SORCS3: variants seen among roughly 807,000 people sequenced by gnomAD.
SORCS3 encodes sortilin related VPS10 domain containing receptor 3, also known as VPS10 domain-containing receptor SorCS3.
In SORCS3, 57 loss-of-function variants were observed where a neutral mutation model predicts 146.3. The observed-to-expected ratio is 0.39, with a 90% CI of 0.31 to 0.49. The LOEUF (loss-of-function observed/expected upper bound fraction) is 0.49. Ranked by LOEUF, SORCS3 falls within the 20% of genes least tolerant of loss-of-function variation. The probability of loss-of-function intolerance (pLI) is 0.92; values close to 1 mark genes in which losing one functional copy is unlikely to be tolerated. For missense variants in SORCS3, 1,341 were observed against 1,575.5 expected (o/e 0.85, Z 2.52); for synonymous variants, 653 against 618.5 (o/e 1.06, Z -0.83).
chr10:104,656,835 A>G (rs1036646350), intron 1 of SORCS3, among the ~76,000 whole-genome samples: 3 of 152,202 alleles, frequency 2.0e-5, no homozygotes, highest in Non-Finnish European at 4.4e-5. Context: ...GGAGAGGTTG[A>G]TGGCTTGGAT....
chr10:105,214,316 C>A (rs182438830), intron 17 of SORCS3, 126 bp from the exon 18 acceptor site: 4 of 981,098 alleles, frequency 4.1e-6, no homozygotes, highest in Non-Finnish European at 6.2e-6. Flanking sequence ...TTCCAGGGGC[C>A]GCTGTGTGAA....
intron 5 of SORCS3, among the ~76,000 whole-genome samples, chr10:105,080,522 G>T (rs769328251): frequency 6.6e-6 from 1 of 151,942 alleles, no homozygotes; most frequent in Middle Eastern, 3.2e-3. Context: ...ATTTTTTGCT[G>T]TGCAGAAGCT....
Position 105,211,272 on chromosome 10 carries a change from A to G in SORCS3, c.2375+22A>G, listed in dbSNP as rs74157463. The stretch of plus-strand genomic sequence containing the variant: ...CTGGGTAAGTAAAACACCTACAGGA[A>G]CTCAGCTCCCTGTTTTCCTGTTTCT... On this transcript the variant is annotated intron_variant, in intron 17 of 26. Coordinates refer to ENST00000369701, the MANE Select transcript of SORCS3 (RefSeq NM_014978.3). The G allele has an allele frequency of 4.4e-3, 6,740 of 1,525,760 alleles. 159 individuals carry two copies. The highest frequency in any genetic ancestry group is 0.041 in the South Asian group (3,617 of 89,016). 94.5% of individuals were successfully genotyped at this position (1,525,760 alleles called of 1,614,324 possible).
At position 104,844,713 on chromosome 10, in the gene SORCS3, A is replaced by C. The variant is rs543806903; in HGVS notation, c.695+1854A>C. Among the ~76,000 whole-genome samples the C allele has an allele frequency of 5.3e-5, 8 of 152,248 alleles. 1 individual carries two copies. The highest frequency in any genetic ancestry group is 1.9e-4 in the African/African-American group (8 of 41,566). ...CAATTACTACAAACTGAGTGGCTTA[A>C]AGCAACAGAAATGTCTTCTCTCACA... On this transcript the variant is annotated intron_variant, in intron 2 of 26. Transcript: ENST00000369701.
chr10:105,186,884 CAAAAAAAAAA>C (rs35043705), intron 14 of SORCS3, among the ~76,000 whole-genome samples: 1 of 101,486 alleles, frequency 9.9e-6, no homozygotes, highest in East Asian at 3.5e-4. Context: ...GACTCCATCT[CAAAAAAAAAA>C]AAAAAAAAAA....
chr10:105,258,424 C>A (rs2056942922), intron 25 of SORCS3, among the ~76,000 whole-genome samples: 1 of 152,150 alleles, frequency 6.6e-6, no homozygotes, highest in African/African-American at 2.4e-5. Context: ...TTCACTCAGC[C>A]AAGAATTTGA....
In SORCS3 at chr10:104,999,995, TATGGTG is replaced by T. The variant is rs967871523; in HGVS notation, c.954+22503_954+22508del. ...TTTTTTTCAATAATGAACAATTCAG[TATGGTG>T]GTAGCATAAAGTACAGTCTTCCTAA... On this transcript the variant is annotated intron_variant, in intron 4 of 26. Coordinates refer to ENST00000369701, the MANE Select transcript of SORCS3 (RefSeq NM_014978.3). 5.9e-5 allele frequency among the ~76,000 whole-genome samples: 9 copies of T among 152,046 alleles called. No homozygotes were observed. The East Asian group carries it at 7.7e-4, about 13-fold the overall frequency.
intron 4 of SORCS3, among the ~76,000 whole-genome samples, chr10:105,012,339 G>A (rs980303937): frequency 5.3e-5 from 8 of 152,182 alleles, no homozygotes; most frequent in Non-Finnish European, 1.0e-4. Flanking sequence ...CATGTTCAAA[G>A]TGAAGGAAAA....
intron 4 of SORCS3, among the ~76,000 whole-genome samples, chr10:105,008,401 A>G (rs1459239188): frequency 6.6e-6 from 1 of 152,182 alleles, no homozygotes; most frequent in Non-Finnish European, 1.5e-5. Context: ...CCAAGGAAAT[A>G]TATTCAAACC....
At chr10:105,148,487 C>T (rs1435846942) in intron 9 of SORCS3, among the ~76,000 whole-genome samples, 3 of 152,092 alleles carry the variant, frequency 2.0e-5, no homozygotes, top group Admixed American at 2.0e-4. Context: ...TTTATAGTGA[C>T]AGTATGTGAC....
intron 5 of SORCS3, among the ~76,000 whole-genome samples, chr10:105,081,815 C>T (rs1245821141): frequency 2.6e-5 from 4 of 152,066 alleles, no homozygotes; most frequent in African/African-American, 9.7e-5. Flanking sequence ...TCAGATGATT[C>T]TTATGCTATT....
At chr10:104,717,956 C>T (rs2016498797) in intron 1 of SORCS3, among the ~76,000 whole-genome samples, 1 of 151,848 alleles carries the variant, frequency 6.6e-6, no homozygotes, top group Non-Finnish European at 1.5e-5. Flanking sequence ...ACCTGTCCAA[C>T]ATGGTGAAAC....
At chr10:105,119,634 C>T (rs747909156) in intron 7 of SORCS3, among the ~76,000 whole-genome samples, 1 of 152,198 alleles carries the variant, frequency 6.6e-6, no homozygotes, top group Non-Finnish European at 1.5e-5. Context: ...CCTGCATCAA[C>T]ATGATCTGCA....
intron 2 of SORCS3, among the ~76,000 whole-genome samples, chr10:104,843,867 C>T (rs769716232): frequency 1.3e-5 from 2 of 152,160 alleles, no homozygotes; most frequent in African/African-American, 2.4e-5. Context: ...TCCCATTTAC[C>T]TTGTGATGTG....
At chr10:105,159,072 A>T (rs976747102) in intron 11 of SORCS3, 78 bp downstream of exon 11, 1 of 1,031,086 alleles carries the variant, frequency 9.7e-7, no homozygotes, top group Non-Finnish European at 1.5e-6. Context: ...TGGATCATGG[A>T]CTCACTTGAG....
chr10:104,712,822 A>T (rs1295498225), intron 1 of SORCS3, among the ~76,000 whole-genome samples: 2 of 152,222 alleles, frequency 1.3e-5, no homozygotes, highest in African/African-American at 4.8e-5. Flanking sequence ...AGGAAAATTA[A>T]CAAGCACCTA....
At chr10:105,021,381 A>G (rs563100320) in intron 4 of SORCS3, among the ~76,000 whole-genome samples, 20 of 152,250 alleles carry the variant, frequency 1.3e-4, no homozygotes, top group African/African-American at 4.8e-4. Context: ...AAAACTTCCC[A>G]TTAGGCCCCA....
At chr10:104,746,138 CTTT>C (rs1287233951) in intron 1 of SORCS3, among the ~76,000 whole-genome samples, 7 of 132,102 alleles carry the variant, frequency 5.3e-5, no homozygotes, top group African/African-American at 5.5e-5. Context: ...TAACTGTTTT[CTTT>C]TTTTTTTTTT....
intron 6 of SORCS3, among the ~76,000 whole-genome samples, chr10:105,093,470 C>G (rs1403085177): frequency 1.3e-5 from 2 of 152,058 alleles, no homozygotes; most frequent in African/African-American, 2.4e-5. Context: ...ACTGTTAAAA[C>G]ACTGGGAGAA....
Sources: allele counts gnomAD v4.1 joint callset (sites outside exome capture counted in the v4.1 genomes callset), GRCh38; gene constraint gnomAD v4.1.1; transcripts MANE v1.5; gene names NCBI Gene and HGNC (gene_info 2026-07-23, HGNC 2026-07-21).